NIBAN3: variants seen among roughly 807,000 people sequenced by gnomAD.
The protein encoded by NIBAN3 is protein Niban 3.
A neutral mutation model predicts 76.4 loss-of-function variants in NIBAN3; 66 were observed. The ratio of observed to expected loss-of-function variants is 0.86; its 90% confidence interval spans 0.71 to 1.06. The LOEUF (loss-of-function observed/expected upper bound fraction) is 1.06. Among genes scored for constraint, NIBAN3 ranks in the 50% least tolerant of loss-of-function variants. NIBAN3 has a pLI of 0.00. For synonymous variants in NIBAN3, 360 were observed against 355.2 expected (o/e 1.01, Z -0.15); for missense variants, 808 against 810.7 (o/e 1.00, Z 0.04).
intron 8 of NIBAN3, 106 bp downstream of exon 8, chr19:17,539,871 C>A: frequency 2.1e-6 from 1 of 487,418 alleles, no homozygotes; most frequent in South Asian, 3.6e-5. Context: ...AAAATGGGGG[C>A]GTGGTCAGAG....
chr19:17,527,477 G>A, intron 1 of NIBAN3, 82 bp downstream of exon 1: 1 of 1,397,028 alleles, frequency 7.2e-7, no homozygotes, highest in Non-Finnish European at 9.5e-7. Flanking sequence ...CCATGCAGCA[G>A]ATGGGGTTCG....
intron 12 of NIBAN3, chr19:17,546,158 C>A: frequency 1.1e-5 from 2 of 178,976 alleles, no homozygotes; most frequent in Admixed American, 5.5e-5. Context: ...CCTGGTTTTT[C>A]CTAGGTTATG....
In NIBAN3 at chr19:17,549,467, A is replaced by G; in HGVS notation, c.1690A>G (p.Asn564Asp). 1 of 1,613,706 alleles carries G rather than the reference A, an allele frequency of 6.2e-7. No individual in the cohort carries two copies. ...DQELKKTLGA[N>D]DVSCTLDGCL... is the part of the protein sequence containing the mutation. ...AGAATTGAAAAAGACCCTTGGTGCC[A>G]ATGATGTATCCTGCACTCTGGACGG... Residue 564 changes from asparagine to aspartate, a missense_variant, in exon 14 of 15, where the codon AAT (asparagine) becomes GAT (aspartate). By Grantham distance (23) the Asn-to-Asp change is conservative (BLOSUM62 1). Transcript: ENST00000599164.
At chr19:17,530,423 C>T (rs865838384) in intron 1 of NIBAN3, among the ~76,000 whole-genome samples, 5 of 150,558 alleles carry the variant, frequency 3.3e-5, no homozygotes, top group African/African-American at 9.8e-5. Flanking sequence ...GTCCCAGCTA[C>T]TCGAGAGGCT....
chr19:17,549,617 A>G (rs1555765219), intron 14 of NIBAN3, 90 bp downstream of exon 14: 4 of 1,042,474 alleles, frequency 3.8e-6, no homozygotes, highest in South Asian at 3.7e-5. Context: ...GATTGTCATG[A>G]GTGTGGGTTC....
chr19:17,546,854 C>T (rs952740786), intron 13 of NIBAN3, 57 bp downstream of exon 13: 42 of 1,540,834 alleles, frequency 2.7e-5, no homozygotes, highest in East Asian at 1.9e-4. Context: ...CTGTATGTAC[C>T]GAGCCCCACC....
downstream of NIBAN3, chr19:17,555,446 C>T (rs568724237): frequency 8.0e-4 from 166 of 207,014 alleles, no homozygotes; most frequent in African/African-American, 3.8e-3. Context: ...GTTCCTAACC[C>T]TAACGCTACC....
chr19:17,533,651 C>T lies in NIBAN3; in HGVS notation c.377C>T (p.Ser126Phe), dbSNP rs942397171. Residue 126 changes from serine (S) to phenylalanine (F), a missense_variant, in exon 4 of 15, where the codon TCC (serine) becomes TTC (phenylalanine). Physicochemically the swap from Ser to Phe is radical, Grantham distance 155 (BLOSUM62 -2). Coordinates refer to ENST00000599164, the MANE Select transcript of NIBAN3 (RefSeq NM_001321827.2). ...CTGACAGGATACACGCTCCTGACTT[C>T]CCAGCGAGAATATCTCCGCCTTTTG... Reference protein sequence around the residue: ...TALTGYTLLTSQREYLRLLDA... With the variant: ...TALTGYTLLTFQREYLRLLDA... The T allele has an allele frequency of 4.3e-6, 7 of 1,614,084 alleles. No individual in the cohort carries two copies. Among genetic ancestry groups the T allele is most frequent in the Non-Finnish European group, 5.9e-6 (7 of 1,179,998 alleles).
intron 4 of NIBAN3, among the ~76,000 whole-genome samples, chr19:17,536,676 A>G (rs1036458349): frequency 2.0e-5 from 3 of 152,210 alleles, no homozygotes; most frequent in Non-Finnish European, 4.4e-5. Context: ...AGGTGCTGGG[A>G]TTACAGGCAT....
upstream of NIBAN3, chr19:17,523,606 G>T: frequency 3.2e-6 from 2 of 628,314 alleles, no homozygotes; most frequent in South Asian, 2.0e-5. Context: ...ATGGATGGTT[G>T]TGCCTGGGGC....
Position 17,537,596 on chromosome 19 carries a change from T to C in NIBAN3, c.595+53T>C, listed in dbSNP as rs566438292. 7.4e-6 allele frequency: 11 copies of C among 1,489,890 alleles called. No homozygotes were observed. In the East Asian group the frequency reaches 1.8e-4, roughly 25 times the overall value. 92.3% of individuals were successfully genotyped at this position (1,489,890 alleles called of 1,614,324 possible). On this transcript the variant is annotated intron_variant, in intron 5 of 14. Coordinates refer to ENST00000599164, the MANE Select transcript of NIBAN3 (RefSeq NM_001321827.2). ...GTGGGGCTAATGGTCTGGGGTCAGATGGCTCAGCCTCTGTTGGCTCGGGAC... is the reference window on the plus strand; with the variant it reads ...GTGGGGCTAATGGTCTGGGGTCAGACGGCTCAGCCTCTGTTGGCTCGGGAC...
chr19:17,532,259 G>A lies in NIBAN3; in HGVS notation c.187-4G>A. On this transcript the variant is annotated splice_region_variant and splice_polypyrimidine_tract_variant and intron_variant, in intron 2 of 14. Coordinates refer to ENST00000599164, the MANE Select transcript of NIBAN3 (RefSeq NM_001321827.2). ...CTGACACCCACTGCTCCCTCTTTCT[G>A]CAGAAGCTGCCCCGAGTCCGTGAGC... The A allele has an allele frequency of 6.2e-7, 1 of 1,605,866 alleles. No individual in the cohort carries two copies. Among genetic ancestry groups the A allele is most frequent in the Non-Finnish European group, 8.5e-7 (1 of 1,175,310 alleles).
rs542547984 is a variant in NIBAN3 at position 17,536,588 on chromosome 19, T to G, written c.428-788T>G. ...CTAAATATTTCTTTTCATATACTTA[T>G]GTTTTTAATAAAAAATATCTTGTGC... On this transcript the variant is annotated intron_variant, in intron 4 of 14. Transcript: ENST00000599164. 2.6e-5 allele frequency among the ~76,000 whole-genome samples: 4 copies of G among 152,094 alleles called. No individual in the cohort carries two copies. The East Asian group carries it at 7.7e-4, about 29-fold the overall frequency.
chr19:17,531,252 G>A (rs759244125), intron 2 of NIBAN3, among the ~76,000 whole-genome samples: 9 of 151,768 alleles, frequency 5.9e-5, no homozygotes, highest in Non-Finnish European at 1.0e-4. Flanking sequence ...GTTTGAACCT[G>A]GGAGGTGGAG....
intron 14 of NIBAN3, among the ~76,000 whole-genome samples, chr19:17,550,021 T>C (rs1046714080): frequency 5.9e-5 from 9 of 152,090 alleles, no homozygotes; most frequent in Admixed American, 5.9e-4. Flanking sequence ...GGTTTCACCA[T>C]GTTGGCCAGG....
rs766909226 is a variant in NIBAN3 at position 17,539,229 on chromosome 19, T to G, written c.675T>G (p.Phe225Leu). 1.1e-5 allele frequency: 17 copies of G among 1,608,462 alleles called. No individual in the cohort carries two copies. The highest frequency in any genetic ancestry group is 1.4e-5 in the Non-Finnish European group (17 of 1,177,812). The change falls in exon 6 of 15, where the codon TTT becomes TTG. Residue 225 changes from phenylalanine (F) to leucine (L), a missense_variant. Transcript: ENST00000599164. ...TCTACCGGCAGCACCAAGGCCACTT[T>G]GGCGACGACGACGTGACCCTAGGCT... The part of the protein sequence containing the change: ...VRLYRQHQGH[F>L]GDDDVTLGSD...
In NIBAN3 at chr19:17,539,181, G is replaced by C. The variant is rs1159548846; in HGVS notation, c.627G>C (p.Arg209=). 2 of 1,603,074 alleles carry C rather than the reference G, an allele frequency of 1.2e-6. No homozygotes were observed. The highest frequency in any genetic ancestry group is 1.7e-6 in the Non-Finnish European group (2 of 1,175,520). The part of the protein sequence containing the change: ...VLQRSQAPAA[R]AFLDAVRLYR... ...AGCGAAGCCAGGCCCCTGCTGCCCG[G>C]GCCTTCCTGGACGCCGTCCGACTCT... Residue 209 remains arginine (R), a synonymous_variant, in exon 6 of 15, where the codon CGG becomes CGC. Transcript: ENST00000599164.
chr19:17,539,752 G>T lies in NIBAN3; in HGVS notation c.966G>T (p.Ala322=). 2 of 1,534,402 alleles carry T rather than the reference G, an allele frequency of 1.3e-6. No homozygotes were observed. Among genetic ancestry groups the T allele is most frequent in the East Asian group, 2.4e-5 (1 of 40,932 alleles). ...DQLLRQRARV[A]GRLRTDIRGP... is the part of the protein sequence containing the mutation. ...TGCTGCGGCAGCGGGCGCGTGTGGC[G>T]GGGCGGCTGAGGAGTGAGGCCCTGG... The change falls in exon 8 of 15, where the codon GCG becomes GCT. Residue 322 remains alanine (A), a synonymous_variant. Coordinates refer to ENST00000599164, the MANE Select transcript of NIBAN3 (RefSeq NM_001321827.2).
downstream of NIBAN3, chr19:17,553,838 C>A: frequency 3.2e-6 from 1 of 310,276 alleles, no homozygotes; most frequent in Non-Finnish European, 6.0e-6. Context: ...GACCTTTCCT[C>A]ATCAAGTCCA....
Sources: gnomAD v4.1 joint callset for allele counts (sites outside exome capture counted in the v4.1 genomes callset) on GRCh38, gnomAD v4.1.1 for gene constraint, MANE v1.5 for transcripts, NCBI Gene and HGNC (gene_info 2026-07-23, HGNC 2026-07-21) for gene names.